The following KRT75 variants were observed in gnomAD, a reference collection of about 807,000 sequenced individuals.
The protein encoded by KRT75 is keratin, type II cytoskeletal 75.
A neutral mutation model predicts 48.8 loss-of-function variants in KRT75; 35 were observed. The observed-to-expected ratio is 0.72, with a 90% CI of 0.55 to 0.95. KRT75 has a LOEUF of 0.95. Ranked by LOEUF, KRT75 falls within the 40% of genes least tolerant of loss-of-function variation. The pLI is 0.00. For missense variants in KRT75, 776 were observed against 709.9 expected, an observed-to-expected ratio of 1.09 and a Z score of -1.06; for synonymous variants, 301 against 282.3, an observed-to-expected ratio of 1.07 and a Z score of -0.66.
chr12:52,425,482 G>A (rs1190485651), intron 8 of KRT75, among the ~76,000 whole-genome samples: 2 of 152,242 alleles, frequency 1.3e-5, no homozygotes, highest in Non-Finnish European at 2.9e-5. Context: ...AGTCTGTAGG[G>A]TGGGCCCTGA....
At position 52,434,332 on chromosome 12, in the gene KRT75, C is replaced by A; in HGVS notation, c.-28G>T. 1 of 1,576,472 alleles carries A rather than the reference C, an allele frequency of 6.3e-7. No homozygotes were observed. Among genetic ancestry groups the A allele is most frequent in the Non-Finnish European group, 8.6e-7 (1 of 1,169,344 alleles). ...TGGGTGAGGAAGGCCGGCGAGAAGG[C>A]ACCTGAGGTGGGCTGGTACAGGCAG... On this transcript the variant is annotated 5_prime_UTR_variant, in exon 1 of 9. Coordinates refer to ENST00000252245, the MANE Select transcript of KRT75 (RefSeq NM_004693.3).
At chr12:52,426,178 C>T (rs984833560) in intron 8 of KRT75, among the ~76,000 whole-genome samples, 6 of 152,186 alleles carry the variant, frequency 3.9e-5, no homozygotes, top group Admixed American at 6.5e-5. Flanking sequence ...CTGAGCTCTG[C>T]GAATGACCAC....
rs763474791 is a variant in KRT75 at position 52,426,812 on chromosome 12, C to T, written c.1417+5G>A. 5 of 1,613,928 alleles carry T rather than the reference C, an allele frequency of 3.1e-6. No homozygotes were observed. The highest frequency in any genetic ancestry group is 3.4e-6 in the Non-Finnish European group (4 of 1,179,916). On this transcript the variant is annotated splice_donor_5th_base_variant and intron_variant, in intron 8 of 8. Transcript: ENST00000252245. ...CAAATGGCCCAAGAAGTATGTCATA[C>T]TCACAAATGTTAACTGGAGAAACTC...
chr12:52,431,773 G>T (rs1940147953), intron 3 of KRT75, 135 bp from the exon 4 acceptor site: 5 of 810,514 alleles, frequency 6.2e-6, no homozygotes, highest in Non-Finnish European at 2.1e-6. Flanking sequence ...TTTGGGGTTG[G>T]GGATGGGTAA....
chr12:52,432,452 T>G (rs1940157155), intron 2 of KRT75, among the ~76,000 whole-genome samples: 1 of 152,210 alleles, frequency 6.6e-6, no homozygotes, highest in African/African-American at 2.4e-5. Flanking sequence ...ATATTTTCAC[T>G]GAACCTCAGG....
chr12:52,433,233 T>C lies in KRT75; in HGVS notation c.518A>G (p.Gln173Arg), dbSNP rs1420297046. The stretch of plus-strand genomic sequence containing the variant: ...CCACTTGGTCTCCAGGACCTTGTTC[T>C]GCTGCTCCAAGAACCTCACCTGGAG... ...FIDKVRFLEQQNKVLETKWAL... is the reference protein window; with the variant it reads ...FIDKVRFLEQRNKVLETKWAL... The change falls in exon 2 of 9, where the codon CAG becomes CGG. Residue 173 changes from glutamine to arginine, a missense_variant. Transcript: ENST00000252245. 6.2e-7 allele frequency: 1 copy of C among 1,614,044 alleles called. No homozygotes were observed. The highest frequency in any genetic ancestry group is 2.2e-5 in the East Asian group (1 of 44,872).
intron 4 of KRT75, among the ~76,000 whole-genome samples, chr12:52,431,173 A>G (rs1940139626): frequency 6.7e-6 from 1 of 148,952 alleles, no homozygotes; most frequent in African/African-American, 2.5e-5. Flanking sequence ...CCCCTGACCA[A>G]TGAGCTGAGG....
chr12:52,428,740 C>T lies in KRT75; in HGVS notation c.1039G>A (p.Glu347Lys), dbSNP rs376993368. 4.2e-5 allele frequency: 68 copies of T among 1,613,902 alleles called. No individual in the cohort carries two copies. Among genetic ancestry groups the T allele is most frequent in the Non-Finnish European group, 5.5e-5 (65 of 1,180,050 alleles). Residue 347 changes from glutamate (E) to lysine (K), a missense_variant, in exon 6 of 9, where the codon GAG (glutamate) becomes AAG (lysine). Physicochemically the swap from Glu to Lys is moderately conservative, Grantham distance 56 (BLOSUM62 1). Coordinates refer to ENST00000252245, the MANE Select transcript of KRT75 (RefSeq NM_004693.3). ...EAESWYQTKYEELQVTAGRHG... is the reference protein window; with the variant it reads ...EAESWYQTKYKELQVTAGRHG... ...CTGCCTGCGGTGACCTGCAGCTCCT[C>T]GTACTGAGAGAACCAGAGCAAACCC...
At chr12:52,424,881 C>G in intron 8 of KRT75, 126 bp from the exon 9 acceptor site, 1 of 773,076 alleles carries the variant, frequency 1.3e-6, no homozygotes, top group South Asian at 1.4e-5. Context: ...CAGTTTGCCT[C>G]CTTCCAATGT....
At chr12:52,429,085 G>A (rs1429692770) in intron 5 of KRT75, among the ~76,000 whole-genome samples, 2 of 152,160 alleles carry the variant, frequency 1.3e-5, no homozygotes, top group African/African-American at 4.8e-5. Context: ...AGGATGAGAA[G>A]GAGGGACCTA....
intron 1 of KRT75, 25 bp downstream of exon 1, chr12:52,433,781 AG>A: frequency 6.2e-7 from 1 of 1,613,916 alleles, no homozygotes; most frequent in Non-Finnish European, 8.5e-7. Flanking sequence ...CCCAAACCCA[AG>A]GGGGTGGATG....
intron 8 of KRT75, among the ~76,000 whole-genome samples, chr12:52,425,951 GC>G (rs1168401758): frequency 6.6e-6 from 1 of 152,182 alleles, no homozygotes; most frequent in Non-Finnish European, 1.5e-5. Context: ...ATGCTTGAAG[GC>G]CTGTCCCCAA....
intron 1 of KRT75, 44 bp from the exon 2 acceptor site, chr12:52,433,296 G>A (rs1359857043): frequency 6.7e-7 from 1 of 1,496,922 alleles, no homozygotes; most frequent in East Asian, 2.3e-5. Flanking sequence ...AGTTGGAGAG[G>A]CAGAGTTAGA....
intron 3 of KRT75, 49 bp from the exon 4 acceptor site, chr12:52,431,687 C>A: frequency 7.4e-7 from 1 of 1,342,766 alleles, no homozygotes; most frequent in African/African-American, 1.4e-5. Context: ...CCCCAAGTAT[C>A]TAGTCCAAAA....
At chr12:52,432,879 G>A (rs942012557) in intron 2 of KRT75, among the ~76,000 whole-genome samples, 159 bp downstream of exon 2, 1 of 152,200 alleles carries the variant, frequency 6.6e-6, no homozygotes, top group African/African-American at 2.4e-5. Flanking sequence ...GAAGGTCCTT[G>A]TGCTACCCCA....
At chr12:52,426,950 A>G (rs1217444306) in intron 7 of KRT75, 99 bp from the exon 8 acceptor site, 2 of 1,008,662 alleles carry the variant, frequency 2.0e-6, no homozygotes, top group South Asian at 1.3e-5. Flanking sequence ...AAGCATTTAA[A>G]CATACTTTAT....
chr12:52,425,621 G>A (rs1460763728), intron 8 of KRT75, among the ~76,000 whole-genome samples: 4 of 152,184 alleles, frequency 2.6e-5, no homozygotes, highest in Non-Finnish European at 2.9e-5. Context: ...AAGGAACACC[G>A]AGGATGGATG....
intron 2 of KRT75, among the ~76,000 whole-genome samples, chr12:52,432,341 A>G: frequency 6.6e-6 from 1 of 152,234 alleles, no homozygotes; most frequent in Admixed American, 6.5e-5. Flanking sequence ...CTTTTGATAG[A>G]TATGCAATGC....
rs2232403 is a variant in KRT75, at chr12:52,428,567, G to C, written c.1161+51C>G. ...AGGAGTTCTTAAAGATGGCAGAAAG[G>C]CCCAGAAGAAATGAGCATTTGAGGA... On this transcript the variant is annotated intron_variant, in intron 6 of 8. Coordinates refer to ENST00000252245, the MANE Select transcript of KRT75 (RefSeq NM_004693.3). 1.1e-4 allele frequency: 185 copies of C among 1,614,012 alleles called. No individual in the cohort carries two copies. In the African/African-American group the frequency reaches 2.2e-3, roughly 19 times the overall value.
Sources: allele counts gnomAD v4.1 joint callset (sites outside exome capture counted in the v4.1 genomes callset), GRCh38; gene constraint gnomAD v4.1.1; transcripts MANE v1.5; gene names NCBI Gene and HGNC (gene_info 2026-07-23, HGNC 2026-07-21).